KIAA1549L: variants seen among roughly 807,000 people sequenced by gnomAD.
The protein encoded by KIAA1549L is UPF0606 protein KIAA1549L.
KIAA1549L carries 88 observed loss-of-function variants against 160.7 expected under a neutral mutation model. The ratio of observed to expected loss-of-function variants is 0.55; its 90% CI spans 0.46 to 0.65. The LOEUF is 0.65. Ranked by LOEUF, KIAA1549L falls within the 30% of genes least tolerant of loss-of-function variation. KIAA1549L has a pLI of 0.00. For synonymous variants in KIAA1549L, 950 were observed against 976.7 expected (o/e 0.97, Z 0.51); for missense variants, 2,258 against 2,437.5 (o/e 0.93, Z 1.55).
intron 1 of KIAA1549L, among the ~76,000 whole-genome samples, chr11:33,461,051 A>G (rs1303298463): frequency 1.3e-5 from 2 of 152,140 alleles, no homozygotes; most frequent in Non-Finnish European, 2.9e-5. Flanking sequence ...AAATAGGTAA[A>G]AAGCATTAAA....
At chr11:33,586,108 T>C (rs1023826112) in intron 11 of KIAA1549L, among the ~76,000 whole-genome samples, 1 of 152,226 alleles carries the variant, frequency 6.6e-6, no homozygotes, top group East Asian at 1.9e-4. Context: ...CCACCTTGTG[T>C]GTGTGAACAG....
At position 33,544,274 on chromosome 11, in the gene KIAA1549L, G is replaced by C. The variant is rs565835923; in HGVS notation, c.2711G>C (p.Ser904Thr). The change falls in exon 2 of 21, where the codon AGT becomes ACT. Residue 904 changes from serine (S) to threonine (T), a missense_variant. Ser to Thr is a moderately conservative substitution (Grantham distance 58). Transcript: ENST00000658780. ...GCTGCTGAATCTTCTATATCGACCA[G>C]TGTCTTTCCCAGGACCTCCTCCAGA... is the stretch of plus-strand genomic sequence containing the variant. ...HSAAESSIST[S>T]VFPRTSSRVL... The C allele has an allele frequency of 5.7e-5, 92 of 1,613,972 alleles. 1 individual carries two copies. The South Asian group carries it at 1.0e-3, about 18-fold the overall frequency.
intron 19 of KIAA1549L, among the ~76,000 whole-genome samples, chr11:33,660,030 C>G (rs1007639051): frequency 6.6e-6 from 1 of 152,194 alleles, no homozygotes; most frequent in South Asian, 2.1e-4. Flanking sequence ...GCCTAGTGGG[C>G]GGGGTGCTGG....
intron 1 of KIAA1549L, among the ~76,000 whole-genome samples, chr11:33,384,043 AGT>A (rs1409530940): frequency 6.6e-6 from 1 of 152,100 alleles, no homozygotes; most frequent in African/African-American, 2.4e-5. Flanking sequence ...TTTTGACAAA[AGT>A]GTGCAATCAT....
chr11:33,630,631 G>A (rs1355421257), intron 16 of KIAA1549L, among the ~76,000 whole-genome samples: 4 of 152,240 alleles, frequency 2.6e-5, no homozygotes, highest in Non-Finnish European at 5.9e-5. Flanking sequence ...GCCTCGCCCT[G>A]CTTCGGCTCA....
chr11:33,384,783 T>C (rs2134037426), intron 1 of KIAA1549L, among the ~76,000 whole-genome samples: 1 of 152,318 alleles, frequency 6.6e-6, no homozygotes, highest in Non-Finnish European at 1.5e-5. Flanking sequence ...TAAGTTATTT[T>C]GCCCATTTAA....
chr11:33,634,589 G>C lies in KIAA1549L; in HGVS notation c.5410-11097G>C, dbSNP rs997982519. ...CTCCTTAGAGAGCAACAAGTTATGGGGGGAGAAAGACGGGAAGTTGAGCTG... is the reference window on the plus strand; with the variant it reads ...CTCCTTAGAGAGCAACAAGTTATGGCGGGAGAAAGACGGGAAGTTGAGCTG... On this transcript the variant is annotated intron_variant, in intron 16 of 20. Transcript: ENST00000658780. Among the ~76,000 whole-genome samples the C allele has an allele frequency of 3.1e-4, 47 of 152,204 alleles. 1 individual carries two copies. Among genetic ancestry groups the C allele is most frequent in the Admixed American group, 3.1e-3 (47 of 15,276 alleles).
chr11:33,587,089 G>A (rs563828393), intron 11 of KIAA1549L, among the ~76,000 whole-genome samples: 47 of 152,200 alleles, frequency 3.1e-4, no homozygotes, highest in African/African-American at 5.3e-4. Context: ...ATCGTATAGA[G>A]TGTTGTGAGG....
intron 16 of KIAA1549L, among the ~76,000 whole-genome samples, chr11:33,638,095 G>T (rs2133388429): frequency 6.6e-6 from 1 of 152,260 alleles, no homozygotes; most frequent in African/African-American, 2.4e-5. Context: ...AATCTGTTTT[G>T]TTTCTTTTAG....
intron 15 of KIAA1549L, among the ~76,000 whole-genome samples, chr11:33,617,282 C>T (rs568709472): frequency 2.0e-5 from 3 of 152,104 alleles, no homozygotes; most frequent in Non-Finnish European, 4.4e-5. Flanking sequence ...CTCACTTGTC[C>T]CCAATAAGCC....
intron 1 of KIAA1549L, among the ~76,000 whole-genome samples, chr11:33,441,612 C>T (rs962289124): frequency 1.6e-4 from 25 of 152,180 alleles, no homozygotes; most frequent in African/African-American, 6.0e-4. Context: ...GATTGCCATT[C>T]TAACTTGTGT....
At chr11:33,464,633 C>G (rs1303762170) in intron 1 of KIAA1549L, among the ~76,000 whole-genome samples, 5 of 152,102 alleles carry the variant, frequency 3.3e-5, no homozygotes, top group African/African-American at 7.2e-5. Flanking sequence ...ATTCCTATGT[C>G]CCTGTCCCTG....
intron 1 of KIAA1549L, among the ~76,000 whole-genome samples, chr11:33,538,837 A>G (rs545735820): frequency 6.0e-4 from 91 of 152,354 alleles, no homozygotes; most frequent in Middle Eastern, 3.4e-3. Flanking sequence ...ATGTAACCTA[A>G]GGATTTGTCA....
At chr11:33,637,524 T>C (rs181551020) in intron 16 of KIAA1549L, among the ~76,000 whole-genome samples, 2 of 152,298 alleles carry the variant, frequency 1.3e-5, no homozygotes, top group East Asian at 3.9e-4. Context: ...AGCTACAAGG[T>C]CTGTATATTA....
chr11:33,383,482 A>C (rs773632809), intron 1 of KIAA1549L, among the ~76,000 whole-genome samples: 1 of 152,160 alleles, frequency 6.6e-6, no homozygotes, highest in Non-Finnish European at 1.5e-5. Context: ...GCAGTTAGCA[A>C]TCTGGGTGTT....
chr11:33,563,005 C>T (rs1854921073), intron 8 of KIAA1549L, among the ~76,000 whole-genome samples: 1 of 151,774 alleles, frequency 6.6e-6, no homozygotes, highest in Non-Finnish European at 1.5e-5. Context: ...CTTTAAAGGA[C>T]CTGTCTCCAA....
chr11:33,559,699 C>G, intron 6 of KIAA1549L, 50 bp from the exon 7 acceptor site: 3 of 1,551,454 alleles, frequency 1.9e-6, no homozygotes, highest in Non-Finnish European at 2.7e-6. Flanking sequence ...GAAACACACC[C>G]TGGTCTTATT....
chr11:33,387,052 A>T (rs1850188002), intron 1 of KIAA1549L, among the ~76,000 whole-genome samples: 1 of 151,998 alleles, frequency 6.6e-6, no homozygotes. Context: ...GGTTGCAGTG[A>T]GTCGGGATTG....
Position 33,591,383 on chromosome 11 carries a change from C to A in KIAA1549L, c.4713C>A (p.Ser1571Arg). ...PQERDVAQDG[S>R]TIKTAKSTET... is the part of the protein sequence containing the mutation. The stretch of plus-strand genomic sequence containing the variant: ...AAAGAGACGTCGCTCAGGATGGAAG[C>A]ACCATCAAGACCGCCAAATCCACTG... The change falls in exon 12 of 21, where the codon AGC becomes AGA. Residue 1571 changes from serine (S) to arginine (R), a missense_variant. This residue lies in a region of KIAA1549L where 1,359 missense variants were observed against 1,546.6 expected (regional missense o/e 0.88). Transcript: ENST00000658780. 1 of 1,611,508 alleles carries A rather than the reference C, an allele frequency of 6.2e-7. No homozygotes were observed.
Sources: allele counts gnomAD v4.1 joint callset (sites outside exome capture counted in the v4.1 genomes callset), GRCh38; gene constraint gnomAD v4.1.1; regional missense constraint gnomAD v4.1.1; transcripts MANE v1.5; gene names NCBI Gene and HGNC (gene_info 2026-07-23, HGNC 2026-07-21).